Variants in SAFB2 observed in about 807,000 individuals in gnomAD.
SAFB2 encodes scaffold attachment factor B2.
In SAFB2, 32 loss-of-function variants were observed where a neutral mutation model predicts 100.6. The observed-to-expected ratio is 0.32, with a 90% CI of 0.24 to 0.43. The LOEUF is 0.43. SAFB2 is among the 20% of genes least tolerant of loss of function. The probability of loss-of-function intolerance (pLI) is 1.00; values close to 1 mark genes in which losing one functional copy is unlikely to be tolerated. For synonymous variants in SAFB2, 500 were observed against 439.4 expected, an observed-to-expected ratio of 1.14 and a Z score of -1.72; for missense variants, 1,185 against 1,163.4, an observed-to-expected ratio of 1.02 and a Z score of -0.27.
rs1324459715 is a variant in SAFB2 at position 5,622,664 on chromosome 19, G to A, written c.52C>T (p.Leu18Phe). The A allele has an allele frequency of 4.5e-5, 73 of 1,608,094 alleles. No individual in the cohort carries two copies. The highest frequency in any genetic ancestry group is 5.9e-5 in the Non-Finnish European group (70 of 1,178,904). ...SGDSGPGTASLGPGVAETGTR... is the reference protein window; with the variant it reads ...SGDSGPGTASFGPGVAETGTR... ...CCAGTCTCCGCAACGCCCGGGCCGA[G>A]AGAAGCCGTGCCAGGGCCCGAGTCG... Residue 18 changes from leucine (L) to phenylalanine (F), a missense_variant, in exon 1 of 21, where the codon CTC becomes TTC. Physicochemically the swap from Leu to Phe is conservative, Grantham distance 22. This residue lies in a region of SAFB2 where 351 missense variants were observed against 341.2 expected (regional missense o/e 1.03). Coordinates refer to ENST00000252542, the MANE Select transcript of SAFB2 (RefSeq NM_014649.3).
chr19:5,622,599 C>G lies in SAFB2; in HGVS notation c.117G>C (p.Arg39=). 3 of 1,613,462 alleles carry G rather than the reference C, an allele frequency of 1.9e-6. No individual in the cohort carries two copies. The highest frequency in any genetic ancestry group is 2.5e-6 in the Non-Finnish European group (3 of 1,179,802). ...RLSELRVIDL[R]AELKKRNLDT... is the part of the protein sequence containing the mutation. ...CCAGGTTCCGCTTCTTCAGCTCCGC[C>G]CGCAGATCGATCACCCGCAGCTCGC... Residue 39 remains arginine, a synonymous_variant, in exon 1 of 21, where the codon CGG becomes CGC. Coordinates refer to ENST00000252542, the MANE Select transcript of SAFB2 (RefSeq NM_014649.3).
At chr19:5,598,029 C>T (rs971497165) in intron 13 of SAFB2, among the ~76,000 whole-genome samples, 10 of 150,508 alleles carry the variant, frequency 6.6e-5, no homozygotes, top group East Asian at 2.0e-4. Context: ...CCCAGCTACT[C>T]GAGAGGCTGA....
Position 5,616,205 on chromosome 19 carries a change from T to C in SAFB2, c.470A>G (p.Asp157Gly), listed in dbSNP as rs1410431615. 1.2e-6 allele frequency: 2 copies of C among 1,614,076 alleles called. No individual in the cohort carries two copies. The highest frequency in any genetic ancestry group is 2.7e-5 in the African/African-American group (2 of 74,920). ...GTATTCTTTACTATCACAAAAGGAA[T>C]CGAGAAGGCCGTCCGTGCCATCCTC... ...FGEDGTDGLL[D>G]SFCDSKEYVA... The change falls in exon 4 of 21, where the codon GAT becomes GGT. Residue 157 changes from aspartate to glycine, a missense_variant. By Grantham distance (94) the Asp-to-Gly change is moderately conservative. Around this residue, in one of 3 missense-constraint regions of SAFB2, gnomAD observed 351 missense variants for 341.2 expected, o/e 1.03. Coordinates refer to ENST00000252542, the MANE Select transcript of SAFB2 (RefSeq NM_014649.3).
At chr19:5,613,552 T>C (rs1312489976) in intron 4 of SAFB2, 25 bp from the exon 5 acceptor site, 2 of 1,610,914 alleles carry the variant, frequency 1.2e-6, no homozygotes, top group Non-Finnish European at 1.7e-6. Flanking sequence ...GGAAGATGAC[T>C]TCGTGGAGGC....
chr19:5,611,961 C>G (rs1198710106), intron 6 of SAFB2: 5 of 450,444 alleles, frequency 1.1e-5, no homozygotes, highest in South Asian at 1.1e-4. Context: ...AGGTGCTGAA[C>G]CGAATGCAAT....
intron 1 of SAFB2, 56 bp from the exon 2 acceptor site, chr19:5,621,452 T>C (rs897495883): frequency 1.7e-5 from 19 of 1,122,064 alleles, no homozygotes; most frequent in Non-Finnish European, 2.4e-5. Flanking sequence ...GCACACACTG[T>C]TCCTTACAAG....
rs2052872538 is a variant in SAFB2, at chr19:5,609,998, C to T, written c.1293G>A (p.Gly431=). ...TATGAGGCAAGGGAAGGCATACCTT[C>T]CCATACTTGCTGAAAAGGTTCTTGA... ...TDLKNLFSKY[G]KVVGAKVVTN... Residue 431 remains glycine, a synonymous_variant, in exon 9 of 21, where the codon GGG becomes GGA. Coordinates refer to ENST00000252542, the MANE Select transcript of SAFB2 (RefSeq NM_014649.3). 1 of 1,613,436 alleles carries T rather than the reference C, an allele frequency of 6.2e-7. No homozygotes were observed. Among genetic ancestry groups the T allele is most frequent in the Admixed American group, 1.7e-5 (1 of 59,994 alleles).
chr19:5,590,665 C>T (rs1047317626), intron 17 of SAFB2, among the ~76,000 whole-genome samples: 1 of 152,200 alleles, frequency 6.6e-6, no homozygotes, highest in Admixed American at 6.5e-5. Context: ...GCATTACTGC[C>T]CTCAACAGCT....
intron 14 of SAFB2, 128 bp from the exon 15 acceptor site, chr19:5,594,306 C>T (rs1038931242): frequency 6.6e-6 from 8 of 1,208,642 alleles, no homozygotes; most frequent in Non-Finnish European, 8.9e-6. Flanking sequence ...CCGGGCTTCC[C>T]TAAAGCTGCG....
At position 5,595,373 on chromosome 19, in the gene SAFB2, G is replaced by T; in HGVS notation, c.1907C>A (p.Thr636Lys). The change falls in exon 14 of 21, where the codon ACG becomes AAG. Residue 636 changes from threonine (T) to lysine (K), a missense_variant. Physicochemically the swap from Thr to Lys is moderately conservative, Grantham distance 78. This residue lies in a region of SAFB2 where 740 missense variants were observed against 687.1 expected (regional missense o/e 1.08). Coordinates refer to ENST00000252542, the MANE Select transcript of SAFB2 (RefSeq NM_014649.3). ...QRQREREIRE[T>K]ERRREREQRE... is the part of the protein sequence containing the mutation. ...CAGCTCCACTCACCGCCGCCTCTCC[G>T]TTTCGCGGATCTCCCGTTCCCGCTG... 1 of 1,610,830 alleles carries T rather than the reference G, an allele frequency of 6.2e-7. No homozygotes were observed. Among genetic ancestry groups the T allele is most frequent in the Non-Finnish European group, 8.5e-7 (1 of 1,179,840 alleles).
In SAFB2 at chr19:5,612,634, A is replaced by T. The variant is rs143267144; in HGVS notation, c.607-67T>A. The T allele has an allele frequency of 3.7e-4, 460 of 1,250,806 alleles. 2 individuals carry two copies. The African/African-American group carries it at 6.2e-3, about 17-fold the overall frequency. The allele number at this position is 1,250,806 out of a possible 1,614,324, so 77.5% of individuals were successfully genotyped here. A position where few individuals can be genotyped will look rare whatever the true frequency, so the allele number is the denominator to read the frequency against. On this transcript the variant is annotated intron_variant, in intron 5 of 20. Coordinates refer to ENST00000252542, the MANE Select transcript of SAFB2 (RefSeq NM_014649.3). ...CACGGGGCACATACATTTCACCAGT[A>T]AATATGGCTTTCAATCATCTGTGAA...
At chr19:5,590,486 G>A in intron 17 of SAFB2, 78 bp from the exon 18 acceptor site, 1 of 1,454,676 alleles carries the variant, frequency 6.9e-7, no homozygotes, top group Non-Finnish European at 9.2e-7. Context: ...CCTGTCCACT[G>A]CAGGCCCCAG....
chr19:5,599,688 C>T (rs2052613812), intron 12 of SAFB2, among the ~76,000 whole-genome samples: 1 of 152,142 alleles, frequency 6.6e-6, no homozygotes, highest in South Asian at 2.1e-4. Context: ...GAAGTGGCAT[C>T]GTCCAAACAG....
chr19:5,616,029 T>C (rs1276244590), intron 4 of SAFB2, 103 bp downstream of exon 4: 8 of 1,024,884 alleles, frequency 7.8e-6, no homozygotes, highest in East Asian at 2.4e-5. Context: ...CAGAACTGTG[T>C]GTTCATGGCG....
At chr19:5,605,435 A>C (rs2052755239) in intron 9 of SAFB2, among the ~76,000 whole-genome samples, 1 of 152,142 alleles carries the variant, frequency 6.6e-6, no homozygotes, top group South Asian at 2.1e-4. Context: ...ATACAAGATA[A>C]GTCATCACAA....
intron 13 of SAFB2, among the ~76,000 whole-genome samples, chr19:5,597,596 C>T (rs533034620): frequency 4.6e-5 from 7 of 152,060 alleles, no homozygotes; most frequent in African/African-American, 9.7e-5. Flanking sequence ...CAGAGGAAGC[C>T]GAGGAGCCCA....
intron 13 of SAFB2, among the ~76,000 whole-genome samples, chr19:5,598,020 C>T (rs573217127): frequency 6.6e-6 from 1 of 151,698 alleles, no homozygotes; most frequent in South Asian, 2.1e-4. Context: ...GCCTGTAATC[C>T]CAGCTACTCG....
intron 4 of SAFB2, 133 bp downstream of exon 4, chr19:5,615,999 T>G: frequency 1.3e-6 from 1 of 774,934 alleles, no homozygotes; most frequent in Middle Eastern, 3.8e-4. Flanking sequence ...TGGACATGGT[T>G]TAACACCAGG....
At position 5,621,336 on chromosome 19, in the gene SAFB2, T is replaced by G; in HGVS notation, c.247A>C (p.Lys83Gln). ...EIGIELEATS[K>Q]KSAKRCVKGL... ...TTAACACATCTCTTGGCTGACTTCT[T>G]GCTGGTGGCTTCTAACTCGATGCCA... The change falls in exon 2 of 21, where the codon AAG becomes CAG. Residue 83 changes from lysine to glutamine, a missense_variant. Physicochemically the swap from Lys to Gln is moderately conservative, Grantham distance 53. Around this residue, in one of 3 missense-constraint regions of SAFB2, gnomAD observed 351 missense variants for 341.2 expected, o/e 1.03. Transcript: ENST00000252542. The G allele has an allele frequency of 6.2e-7, 1 of 1,613,622 alleles. No individual in the cohort carries two copies. Among genetic ancestry groups the G allele is most frequent in the African/African-American group, 1.3e-5 (1 of 75,048 alleles).
Sources: allele counts gnomAD v4.1 joint callset (sites outside exome capture counted in the v4.1 genomes callset), GRCh38; gene constraint gnomAD v4.1.1; regional missense constraint gnomAD v4.1.1; transcripts MANE v1.5; gene names NCBI Gene and HGNC (gene_info 2026-07-23, HGNC 2026-07-21).